The following CCND1 variants were observed in gnomAD, a reference collection of about 807,000 sequenced individuals.
CCND1 encodes cyclin D1.
Under a neutral mutation model 26.1 loss-of-function variants are expected in CCND1, and 9 were observed. That is an observed-to-expected ratio of 0.35 (90% CI 0.21 to 0.60). The LOEUF (loss-of-function observed/expected upper bound fraction) is 0.60. Ranked by LOEUF, CCND1 falls within the 20% of genes least tolerant of loss-of-function variation. The probability of loss-of-function intolerance (pLI) is 0.79; values close to 1 mark genes in which losing one functional copy is unlikely to be tolerated. For synonymous variants in CCND1, 194 were observed against 166.1 expected, an observed-to-expected ratio of 1.17 and a Z score of -1.29; for missense variants, 335 against 392.9, an observed-to-expected ratio of 0.85 and a Z score of 1.25.
At chr11:69,647,715 C>A (rs1216770051) in intron 3 of CCND1, among the ~76,000 whole-genome samples, 1 of 152,246 alleles carries the variant, frequency 6.6e-6, no homozygotes, top group Non-Finnish European at 1.5e-5. Flanking sequence ...TCCCCATCAC[C>A]TGTCCTGTGT....
At position 69,652,349 on chromosome 11, in the gene CCND1, G is replaced by C. The variant is rs1469433109; in HGVS notation, c.*1067G>C. 8.6e-6 allele frequency: 2 copies of C among 233,574 alleles called. No individual in the cohort carries two copies. The highest frequency in any genetic ancestry group is 2.2e-5 in the African/African-American group (1 of 45,310). 14.5% of individuals were successfully genotyped at this position (233,574 alleles called of 1,614,324 possible). On this transcript the variant is annotated 3_prime_UTR_variant, in exon 5 of 5. Transcript: ENST00000227507. The stretch of plus-strand genomic sequence containing the variant: ...TAGCGCTGTTTTTGTTGTGTGTGCA[G>C]GGAGGGCAGTTTTCTAATGGAATGG...
intron 3 of CCND1, 120 bp downstream of exon 3, chr11:69,644,111 G>T (rs770290365): frequency 1.1e-6 from 1 of 893,856 alleles, no homozygotes; most frequent in South Asian, 1.4e-5. Flanking sequence ...ACCCCCTCCT[G>T]CGCTGGAGAG....
rs372034920 is a variant in CCND1, at chr11:69,649,199, C to T, written c.723+1057C>T. On this transcript the variant is annotated intron_variant, in intron 4 of 4. Transcript: ENST00000227507. ...GGCTCAGAAACACCATCGAGGCCTC[C>T]AGAAGCCCAGCAAAGAGAAAGCCCC... 2.8e-4 allele frequency among the ~76,000 whole-genome samples: 43 copies of T among 152,288 alleles called. No individual in the cohort carries two copies. In the South Asian group the frequency reaches 8.7e-3, roughly 31 times the overall value.
In CCND1 at chr11:69,642,954, C is replaced by G; in HGVS notation, c.199-77C>G. ...CTCCAGACCTGGCGGCCCTGCCAAG[C>G]GCGATGGGGGGTGCGGGGGCGTGCG... On this transcript the variant is annotated intron_variant, in intron 1 of 4. Transcript: ENST00000227507. 3 of 1,133,976 alleles carry G rather than the reference C, an allele frequency of 2.6e-6. 1 individual carries two copies. In the South Asian group the frequency reaches 5.8e-5, roughly 22 times the overall value. 70.2% of individuals were successfully genotyped at this position (1,133,976 alleles called of 1,614,324 possible).
rs1352996367 is a variant in CCND1 at position 69,654,344 on chromosome 11, G to A, written c.*3062G>A. 2 of 702,594 alleles carry A rather than the reference G, an allele frequency of 2.8e-6. No individual in the cohort carries two copies. 43.5% of individuals were successfully genotyped at this position (702,594 alleles called of 1,614,324 possible). A position where few individuals can be genotyped will look rare whatever the true frequency, so the allele number is the denominator to read the frequency against. On this transcript the variant is annotated 3_prime_UTR_variant, in exon 5 of 5. Coordinates refer to ENST00000227507, the MANE Select transcript of CCND1 (RefSeq NM_053056.3). The surrounding 1 kb of genome is among the most constrained non-coding windows in gnomAD (Gnocchi z 6.3). The stretch of plus-strand genomic sequence containing the variant: ...ACGCGCAAGTCTGAGGGTCTGGGCG[G>A]CGGGCGGCTGGGTCTGTGCATTTCT...
At chr11:69,650,970 G>C in intron 4 of CCND1, 148 bp from the exon 5 acceptor site, 1 of 650,018 alleles carries the variant, frequency 1.5e-6, no homozygotes, top group South Asian at 2.2e-5. Flanking sequence ...CTCAGGTTCA[G>C]AGGAGGCAGC....
At chr11:69,644,042 G>T (rs2120095895) in intron 3 of CCND1, 51 bp downstream of exon 3, 1 of 1,591,348 alleles carries the variant, frequency 6.3e-7, no homozygotes, top group Non-Finnish European at 8.6e-7. Context: ...CGGCTCCTTA[G>T]GTGACCCTGG....
At chr11:69,642,102 A>C (rs1855712832) in intron 1 of CCND1, among the ~76,000 whole-genome samples, 1 of 147,768 alleles carries the variant, frequency 6.8e-6, no homozygotes, top group Non-Finnish European at 1.5e-5. Flanking sequence ...GGAGGGGCGC[A>C]GGGACGCGGC....
chr11:69,645,478 TGAA>T (rs1855766653), intron 3 of CCND1, among the ~76,000 whole-genome samples: 3 of 151,744 alleles, frequency 2.0e-5, no homozygotes, highest in African/African-American at 7.3e-5. Flanking sequence ...CAGCGGTGGG[TGAA>T]GGAGGAGGGA....
intron 3 of CCND1, among the ~76,000 whole-genome samples, chr11:69,644,553 C>G (rs1287479141): frequency 6.6e-6 from 1 of 152,202 alleles, no homozygotes; most frequent in Non-Finnish European, 1.5e-5. Context: ...GTGCCGGCAG[C>G]CAGCCGGGCT....
At position 69,653,069 on chromosome 11, in the gene CCND1, CT is replaced by C. The variant is rs915049324; in HGVS notation, c.*1789del. 2 of 528,828 alleles carry C rather than the reference CT, an allele frequency of 3.8e-6. No individual in the cohort carries two copies. Among genetic ancestry groups the C allele is most frequent in the African/African-American group, 3.9e-5 (2 of 51,060 alleles). The allele number at this position is 528,828 out of a possible 1,614,324, so 32.8% of individuals were successfully genotyped here. On this transcript the variant is annotated 3_prime_UTR_variant, in exon 5 of 5. Transcript: ENST00000227507. ...GTGACAAAATAGACAATTTGCACAT[CT>C]TGGCTATGTAATTCTTGTAATTTTT...
chr11:69,648,472 GC>G (rs1855813804), intron 4 of CCND1, among the ~76,000 whole-genome samples: 1 of 152,242 alleles, frequency 6.6e-6, no homozygotes, highest in Admixed American at 6.5e-5. Flanking sequence ...GTGGGGTTAG[GC>G]CCAGGCGAGC....
At chr11:69,649,397 C>T (rs1855826985) in intron 4 of CCND1, among the ~76,000 whole-genome samples, 3 of 152,296 alleles carry the variant, frequency 2.0e-5, no homozygotes, top group Admixed American at 6.5e-5. Flanking sequence ...AGATTGGAGG[C>T]ACACGTCTCA....
rs1173812710 is a variant in CCND1 at position 69,651,148 on chromosome 11, G to C, written c.754G>C (p.Glu252Gln). The change falls in exon 5 of 5, where the codon GAA (glutamate) becomes CAA (glutamine). Residue 252 changes from glutamate (E) to glutamine (Q), a missense_variant. Transcript: ENST00000227507. ...CCTCCGGGCCTGCCAGGAGCAGATC[G>C]AAGCCCTGCTGGAGTCAAGCCTGCG... Reference protein sequence around the residue: ...DCLRACQEQIEALLESSLRQA... With the variant: ...DCLRACQEQIQALLESSLRQA... The C allele has an allele frequency of 6.8e-6, 11 of 1,613,288 alleles. No homozygotes were observed. Among genetic ancestry groups the C allele is most frequent in the African/African-American group, 2.7e-5 (2 of 74,968 alleles).
chr11:69,649,477 C>A (rs374383702), intron 4 of CCND1, among the ~76,000 whole-genome samples: 14 of 152,210 alleles, frequency 9.2e-5, no homozygotes, highest in Admixed American at 3.9e-4. Context: ...TAGTGACCAA[C>A]GTAGCTGAGC....
At chr11:69,642,966 TGCGGGGGCGTGC>T (rs1324640515) in intron 1 of CCND1, 53 bp from the exon 2 acceptor site, 13 of 1,258,024 alleles carry the variant, frequency 1.0e-5, no homozygotes, top group Non-Finnish European at 1.4e-5. Context: ...CGATGGGGGG[TGCGGGGGCGTGC>T]GGGGGGGCGG....
In CCND1 at chr11:69,654,169, T is replaced by G. The variant is rs1855896476; in HGVS notation, c.*2887T>G. 1 of 481,654 alleles carries G rather than the reference T, an allele frequency of 2.1e-6. No individual in the cohort carries two copies. Among genetic ancestry groups the G allele is most frequent in the Non-Finnish European group, 4.1e-6 (1 of 244,846 alleles). The allele number at this position is 481,654 out of a possible 1,614,324, so 29.8% of individuals were successfully genotyped here. A position where few individuals can be genotyped will look rare whatever the true frequency, so the allele number is the denominator to read the frequency against. On this transcript the variant is annotated 3_prime_UTR_variant, in exon 5 of 5. Transcript: ENST00000227507. The surrounding 1 kb of genome is among the most constrained non-coding windows in gnomAD (Gnocchi z 6.3). The stretch of plus-strand genomic sequence containing the variant: ...CGGCTCACGCTTACCTCAACCATCC[T>G]GGCTGCGGCGTCTGTCTGAACCACG...
rs2120078785 is a variant in CCND1 at position 69,641,206 on chromosome 11, C to A, written c.-108C>A. ...GAGCAGCAGAGTCCGCACGCTCCGG[C>A]GAGGGGCAGAAGAGCGCGAGGGAGC... On this transcript the variant is annotated 5_prime_UTR_variant, in exon 1 of 5. Transcript: ENST00000227507. 1.8e-6 allele frequency: 2 copies of A among 1,108,666 alleles called. No homozygotes were observed. The highest frequency in any genetic ancestry group is 2.7e-6 in the Non-Finnish European group (2 of 745,208). The allele number at this position is 1,108,666 out of a possible 1,614,324, so 68.7% of individuals were successfully genotyped here.
intron 4 of CCND1, among the ~76,000 whole-genome samples, chr11:69,650,518 T>G (rs979944307): frequency 4.6e-5 from 7 of 152,160 alleles, no homozygotes; most frequent in African/African-American, 1.7e-4. Flanking sequence ...AGTGGGTGGA[T>G]GCATGCTGTG....
Sources: allele counts gnomAD v4.1 joint callset (sites outside exome capture counted in the v4.1 genomes callset), GRCh38; gene constraint gnomAD v4.1.1; non-coding constraint Gnocchi (gnomAD v3.1); transcripts MANE v1.5; gene names NCBI Gene and HGNC (gene_info 2026-07-23, HGNC 2026-07-21).